Variants in PPP4R3B observed in about 807,000 individuals in gnomAD.
The protein encoded by PPP4R3B is serine/threonine-protein phosphatase 4 regulatory subunit 3B.
Under a neutral mutation model 95.4 loss-of-function variants are expected in PPP4R3B, and 52 were observed. The observed-to-expected ratio is 0.54, with a 90% confidence interval of 0.44 to 0.69. PPP4R3B has a LOEUF of 0.69. PPP4R3B is among the 30% of genes least tolerant of loss of function. The probability of loss-of-function intolerance (pLI) is 0.00; values close to 1 mark genes in which losing one functional copy is unlikely to be tolerated. For missense variants in PPP4R3B, 1,003 were observed against 1,005.9 expected, an observed-to-expected ratio of 1.00 and a Z score of 0.04; for synonymous variants, 407 against 343.9, an observed-to-expected ratio of 1.18 and a Z score of -2.03.
intron 5 of PPP4R3B, among the ~76,000 whole-genome samples, chr2:55,587,994 A>G (rs760317537): frequency 1.1e-4 from 17 of 152,256 alleles, no homozygotes; most frequent in Non-Finnish European, 2.2e-4. Context: ...GCTAAATTAT[A>G]GAATTGAATA....
intron 15 of PPP4R3B, among the ~76,000 whole-genome samples, chr2:55,562,099 G>C (rs907988499): frequency 2.0e-5 from 3 of 152,098 alleles, no homozygotes; most frequent in Admixed American, 6.5e-5. Flanking sequence ...GTGATAGTGA[G>C]TTCTCACGAG....
chr2:55,555,294 A>AAG (rs1553459810), intron 16 of PPP4R3B, among the ~76,000 whole-genome samples: 9 of 150,836 alleles, frequency 6.0e-5, no homozygotes, highest in Non-Finnish European at 8.9e-5. Flanking sequence ...AAAAAAAAAA[A>AAG]AAAGAAAGAA....
chr2:55,565,101 T>G, intron 13 of PPP4R3B, 60 bp from the exon 14 acceptor site: 2 of 1,374,976 alleles, frequency 1.5e-6, no homozygotes, highest in Non-Finnish European at 1.9e-6. Context: ...AAGAAAAACT[T>G]TAAAATTTTG....
At position 55,548,192 on chromosome 2, in the gene PPP4R3B, C is replaced by T. The variant is rs1165991955; in HGVS notation, c.*1719G>A. The T allele has an allele frequency of 1.3e-5, 2 of 152,352 alleles. No individual in the cohort carries two copies. The highest frequency in any genetic ancestry group is 4.8e-5 in the African/African-American group (2 of 41,422). 9.4% of individuals were successfully genotyped at this position (152,352 alleles called of 1,614,324 possible). On this transcript the variant is annotated 3_prime_UTR_variant, in exon 17 of 17. Coordinates refer to ENST00000616407, the MANE Select transcript of PPP4R3B (RefSeq NM_001122964.3). Reference sequence around the variant, plus strand: ...CCAAGGCTTACCTTCTATAAGTAGTCACTGATAAAGTGCCATTGACCCGCA... The same window carrying T: ...CCAAGGCTTACCTTCTATAAGTAGTTACTGATAAAGTGCCATTGACCCGCA...
intron 4 of PPP4R3B, among the ~76,000 whole-genome samples, chr2:55,597,887 A>G (rs1692022458): frequency 6.6e-6 from 1 of 152,174 alleles, no homozygotes; most frequent in Admixed American, 6.5e-5. Flanking sequence ...ACAAATACTA[A>G]ATTGTATAAA....
At chr2:55,567,102 G>A (rs972368123) in intron 13 of PPP4R3B, among the ~76,000 whole-genome samples, 1 of 152,196 alleles carries the variant, frequency 6.6e-6, no homozygotes, top group Non-Finnish European at 1.5e-5. Flanking sequence ...TACAGGTGAA[G>A]TAAATTTGTT....
intron 13 of PPP4R3B, 21 bp downstream of exon 13, chr2:55,568,173 A>G: frequency 6.9e-7 from 1 of 1,445,074 alleles, no homozygotes; most frequent in Non-Finnish European, 9.2e-7. Flanking sequence ...ATATAATAAC[A>G]GCTGTTTTAT....
At chr2:55,577,207 T>G in intron 11 of PPP4R3B, 108 bp downstream of exon 11, 2 of 1,356,012 alleles carry the variant, frequency 1.5e-6, no homozygotes, top group South Asian at 3.3e-5. Flanking sequence ...TTGGATTTTG[T>G]TTTTATGCCA....
At chr2:55,559,377 C>T (rs922910872) in intron 15 of PPP4R3B, among the ~76,000 whole-genome samples, 1 of 152,014 alleles carries the variant, frequency 6.6e-6, no homozygotes, top group Non-Finnish European at 1.5e-5. Context: ...AAAAAAATAA[C>T]ACCAAAATTA....
At chr2:55,579,264 T>C (rs560472184) in intron 9 of PPP4R3B, among the ~76,000 whole-genome samples, 20 of 152,238 alleles carry the variant, frequency 1.3e-4, no homozygotes, top group African/African-American at 4.8e-4. Flanking sequence ...GGCATATGAA[T>C]GTGCATTTGG....
intron 13 of PPP4R3B, among the ~76,000 whole-genome samples, chr2:55,566,644 T>C (rs1291136179): frequency 6.6e-6 from 1 of 152,196 alleles, no homozygotes; most frequent in Non-Finnish European, 1.5e-5. Context: ...GAATAGCATG[T>C]TATCAGCAAA....
At chr2:55,614,924 C>G (rs925293994) in intron 2 of PPP4R3B, 8 of 152,110 alleles carry the variant, frequency 5.3e-5, no homozygotes, top group African/African-American at 1.7e-4. Flanking sequence ...CCAAATAAGA[C>G]AATATTAACA....
chr2:55,591,913 C>T (rs542723223), intron 4 of PPP4R3B, among the ~76,000 whole-genome samples: 52 of 152,290 alleles, frequency 3.4e-4, no homozygotes, highest in Middle Eastern at 3.4e-3. Context: ...ATCTCTGGTT[C>T]TCCAAGTAAT....
Position 55,617,343 on chromosome 2 carries a change from C to G in PPP4R3B, c.-58G>C, listed in dbSNP as rs967403395. ...CCTCCTCGCTTACCTCGTCCGCGCT[C>G]CTCACTCTTAGGAGACGGTAAAGGC... On this transcript the variant is annotated 5_prime_UTR_variant, in exon 1 of 17. Transcript: ENST00000616407. 6.6e-7 allele frequency: 1 copy of G among 1,512,580 alleles called. No homozygotes were observed. Among genetic ancestry groups the G allele is most frequent in the Non-Finnish European group, 8.9e-7 (1 of 1,125,726 alleles). 93.7% of individuals were successfully genotyped at this position (1,512,580 alleles called of 1,614,324 possible). A position where few individuals can be genotyped will look rare whatever the true frequency, so the allele number is the denominator to read the frequency against.
intron 4 of PPP4R3B, 107 bp downstream of exon 4, chr2:55,598,309 A>C (rs1330098869): frequency 1.7e-6 from 2 of 1,184,988 alleles, no homozygotes; most frequent in Non-Finnish European, 2.3e-6. Flanking sequence ...TAGTACATTT[A>C]AACAAAATAA....
chr2:55,577,280 T>C, intron 11 of PPP4R3B, 35 bp downstream of exon 11: 1 of 1,530,764 alleles, frequency 6.5e-7, no homozygotes, highest in Non-Finnish European at 8.7e-7. Context: ...AGTTTATAAT[T>C]TGCATGTATT....
intron 2 of PPP4R3B, among the ~76,000 whole-genome samples, chr2:55,609,830 G>A (rs1043896167): frequency 3.3e-5 from 5 of 152,224 alleles, no homozygotes; most frequent in African/African-American, 1.2e-4. Flanking sequence ...ACAATTGTAT[G>A]CATATTTGCT....
At position 55,598,653 on chromosome 2, in the gene PPP4R3B, A is replaced by G. The variant is rs1303796087; in HGVS notation, c.684T>C (p.Tyr228=). The G allele has an allele frequency of 6.2e-7, 1 of 1,614,098 alleles. No homozygotes were observed. The highest frequency in any genetic ancestry group is 2.2e-5 in the East Asian group (1 of 44,896). Residue 228 remains tyrosine, a synonymous_variant, in exon 4 of 17, where the codon TAT becomes TAC. Transcript: ENST00000616407. ...TTTTTGGCTGAGCCAAAGCAGGGTCATATTCAAGGCATCCCACGACATCCA... is the reference window on the plus strand; with the variant it reads ...TTTTTGGCTGAGCCAAAGCAGGGTCGTATTCAAGGCATCCCACGACATCCA... The part of the protein sequence containing the change: ...CIMDVVGCLE[Y]DPALAQPKRH...
At chr2:55,605,698 G>C (rs1244242268) in intron 2 of PPP4R3B, among the ~76,000 whole-genome samples, 1 of 152,056 alleles carries the variant, frequency 6.6e-6, no homozygotes, top group Non-Finnish European at 1.5e-5. Flanking sequence ...ACAAGGTCAA[G>C]AGATGAAGAC....
Sources: gnomAD v4.1 joint callset for allele counts (sites outside exome capture counted in the v4.1 genomes callset) on GRCh38, gnomAD v4.1.1 for gene constraint, MANE v1.5 for transcripts, NCBI Gene and HGNC (gene_info 2026-07-23, HGNC 2026-07-21) for gene names.